The following ASIC2 variants were observed in gnomAD, a reference collection of about 807,000 sequenced individuals.
The protein encoded by ASIC2 is acid-sensing ion channel 2.
A neutral mutation model predicts 57.3 loss-of-function variants in ASIC2; 25 were observed. The ratio of observed to expected loss-of-function variants is 0.44; its 90% CI spans 0.32 to 0.61. The LOEUF (loss-of-function observed/expected upper bound fraction) is 0.61, where lower values mean the gene tolerates loss of function less well. Ranked by LOEUF, ASIC2 falls within the 20% of genes least tolerant of loss-of-function variation. ASIC2 has a pLI of 0.06. For missense variants in ASIC2, 641 were observed against 738.1 expected (o/e 0.87, Z 1.52); for synonymous variants, 319 against 307.5 (o/e 1.04, Z -0.39).
chr17:33,674,950 A>C (rs1316614774), intron 1 of ASIC2, among the ~76,000 whole-genome samples: 1 of 152,196 alleles, frequency 6.6e-6, no homozygotes, highest in Non-Finnish European at 1.5e-5. Flanking sequence ...AATGAGAATG[A>C]CAATCTCATC....
At chr17:34,124,599 A>G (rs1170793085) in intron 1 of ASIC2, among the ~76,000 whole-genome samples, 1 of 152,198 alleles carries the variant, frequency 6.6e-6, no homozygotes, top group Non-Finnish European at 1.5e-5. Context: ...GGCTTAAGGA[A>G]AAATAAACAA....
chr17:33,902,717 C>T (rs1336240164), intron 1 of ASIC2, among the ~76,000 whole-genome samples: 4 of 152,166 alleles, frequency 2.6e-5, no homozygotes, highest in Non-Finnish European at 5.9e-5. Context: ...ATCAGATTTC[C>T]AACCACTGAT....
intron 1 of ASIC2, among the ~76,000 whole-genome samples, chr17:33,956,284 G>C (rs1904732719): frequency 6.6e-6 from 1 of 152,196 alleles, no homozygotes; most frequent in Non-Finnish European, 1.5e-5. Context: ...TCTGAAGTGG[G>C]TTGTATCTCA....
intron 1 of ASIC2, chr17:33,635,032 T>C (rs1906310379): frequency 6.6e-6 from 1 of 152,168 alleles, no homozygotes; most frequent in African/African-American, 2.4e-5. Context: ...ATATTAGAAA[T>C]TTTACAAGCA....
intron 1 of ASIC2, among the ~76,000 whole-genome samples, chr17:33,881,723 G>A (rs1914704794): frequency 6.6e-6 from 1 of 151,620 alleles, no homozygotes; most frequent in Non-Finnish European, 1.5e-5. Flanking sequence ...TCCCCATCAA[G>A]CTCAATGACT....
chr17:33,910,935 C>T (rs1421528356), intron 1 of ASIC2, among the ~76,000 whole-genome samples: 1 of 152,076 alleles, frequency 6.6e-6, no homozygotes. Context: ...GAAACATGTC[C>T]CCAGGAAAAG....
At chr17:34,013,691 T>G (rs993704629) in intron 1 of ASIC2, among the ~76,000 whole-genome samples, 1 of 152,140 alleles carries the variant, frequency 6.6e-6, no homozygotes, top group Non-Finnish European at 1.5e-5. Flanking sequence ...AGAGGGTAAG[T>G]CGCTTCTCCA....
rs184367317 is a variant in ASIC2 at position 33,535,781 on chromosome 17, G to A, written c.556-423714C>T. 5.3e-5 allele frequency among the ~76,000 whole-genome samples: 8 copies of A among 152,306 alleles called. No homozygotes were observed. The South Asian group carries it at 1.0e-3, about 20-fold the overall frequency. ...GAAATTAAAAAATAAAAAAGAAGTC[G>A]TGTATGGAGGAGGACAGTGTCCATC... On this transcript the variant is annotated intron_variant, in intron 1 of 9. Coordinates refer to the ASIC2 transcript ENST00000359872.
intron 1 of ASIC2, among the ~76,000 whole-genome samples, chr17:34,138,806 C>A (rs1912193311): frequency 6.6e-6 from 1 of 152,214 alleles, no homozygotes; most frequent in South Asian, 2.1e-4. Flanking sequence ...TTGTTCGACT[C>A]TAGTGAATAC....
chr17:34,055,390 CTT>C (rs1567803027), intron 1 of ASIC2, among the ~76,000 whole-genome samples: 1 of 152,172 alleles, frequency 6.6e-6, no homozygotes, highest in African/African-American at 2.4e-5. Context: ...TGCCCTCCCA[CTT>C]GTTTACTGTC....
At chr17:33,557,328 G>T (rs1260093267) in intron 1 of ASIC2, among the ~76,000 whole-genome samples, 3 of 152,088 alleles carry the variant, frequency 2.0e-5, no homozygotes, top group South Asian at 2.1e-4. Context: ...TATCCTCAGA[G>T]AAGAAAATCA....
chr17:33,706,107 T>C (rs1318054241), intron 1 of ASIC2, among the ~76,000 whole-genome samples: 4 of 151,788 alleles, frequency 2.6e-5, no homozygotes, highest in African/African-American at 7.3e-5. Context: ...ACCCTTCTCT[T>C]CATCACACTC....
At chr17:33,936,524 A>G (rs1268005852) in intron 1 of ASIC2, 1 of 152,212 alleles carries the variant, frequency 6.6e-6, no homozygotes, top group East Asian at 1.9e-4. Context: ...TGAAGTCCAG[A>G]AGACAAGACA....
At chr17:33,358,733 CT>C (rs560760550) in intron 1 of ASIC2, among the ~76,000 whole-genome samples, 15 of 152,326 alleles carry the variant, frequency 9.8e-5, no homozygotes, top group Middle Eastern at 3.4e-3. Flanking sequence ...TAGGAGACAA[CT>C]GCTCCTATTG....
chr17:33,883,933 A>T (rs2141941973), intron 1 of ASIC2, among the ~76,000 whole-genome samples: 1 of 152,382 alleles, frequency 6.6e-6, no homozygotes, highest in South Asian at 2.1e-4. Context: ...AGGTGAAGTA[A>T]CTTGCCCCAG....
At chr17:33,272,438 C>G (rs1904532899) in intron 1 of ASIC2, among the ~76,000 whole-genome samples, 1 of 152,216 alleles carries the variant, frequency 6.6e-6, no homozygotes, top group Non-Finnish European at 1.5e-5. Flanking sequence ...ACCTAAACCT[C>G]TGAGAGGTAA....
intron 1 of ASIC2, among the ~76,000 whole-genome samples, chr17:33,948,749 C>T (rs1393188189): frequency 6.6e-6 from 1 of 152,208 alleles, no homozygotes; most frequent in Non-Finnish European, 1.5e-5. Context: ...TCAATGCCTA[C>T]CTTACACTGT....
chr17:33,735,197 C>A (rs973323698), intron 1 of ASIC2, among the ~76,000 whole-genome samples: 2 of 152,056 alleles, frequency 1.3e-5, no homozygotes, highest in South Asian at 4.1e-4. Flanking sequence ...CCTCTGCCTG[C>A]CATTGTGTTT....
intron 2 of ASIC2, among the ~76,000 whole-genome samples, chr17:33,104,500 T>C (rs553015387): frequency 6.6e-6 from 1 of 152,250 alleles, no homozygotes; most frequent in Non-Finnish European, 1.5e-5. Flanking sequence ...TGCCTCAGGG[T>C]TGGTCACAGG....
Sources: allele counts gnomAD v4.1 joint callset (sites outside exome capture counted in the v4.1 genomes callset), GRCh38; gene constraint gnomAD v4.1.1; transcripts MANE v1.5; gene names NCBI Gene and HGNC (gene_info 2026-07-23, HGNC 2026-07-21).